The following CCDC192 variants were observed in gnomAD, a reference collection of about 807,000 sequenced individuals.
CCDC192 encodes coiled-coil domain-containing protein 192.
At chr5:127,719,517 AT>A (rs1751855114) in intron 2 of CCDC192, among the ~76,000 whole-genome samples, 1 of 118,458 alleles carries the variant, frequency 8.4e-6, no homozygotes, top group Non-Finnish European at 1.6e-5. Context: ...ATATATATAT[AT>A]ATATATACAC....
chr5:127,834,852 T>G (rs1325266300), intron 5 of CCDC192, among the ~76,000 whole-genome samples: 1 of 152,320 alleles, frequency 6.6e-6, no homozygotes, highest in African/African-American at 2.4e-5. Flanking sequence ...GCCCAGTGTG[T>G]TGTTAAGTGT....
rs540644798 is a variant in CCDC192 at position 127,856,298 on chromosome 5, A to C, written c.412-19240A>C. Among the ~76,000 whole-genome samples the C allele has an allele frequency of 4.5e-4, 69 of 152,274 alleles. 1 individual carries two copies. Among genetic ancestry groups the C allele is most frequent in the African/African-American group, 1.6e-3 (68 of 41,566 alleles). ...GTGTATTAATCTTTACTAGCTTCCAACTTTTCCTCTGCAGCTTTCTTACTC... is the reference window on the plus strand; with the variant it reads ...GTGTATTAATCTTTACTAGCTTCCACCTTTTCCTCTGCAGCTTTCTTACTC... On this transcript the variant is annotated intron_variant, in intron 5 of 6. Transcript: ENST00000514853.
intron 5 of CCDC192, among the ~76,000 whole-genome samples, chr5:127,836,157 G>A (rs187660502): frequency 1.3e-5 from 2 of 152,258 alleles, no homozygotes; most frequent in Admixed American, 1.3e-4. Flanking sequence ...GAATGAAGAG[G>A]TTACATGCCC....
At chr5:127,834,023 A>G (rs1749920547) in intron 5 of CCDC192, among the ~76,000 whole-genome samples, 1 of 152,158 alleles carries the variant, frequency 6.6e-6, no homozygotes, top group African/African-American at 2.4e-5. Flanking sequence ...GCTGAGGGCA[A>G]TTGAGCTACA....
At chr5:127,786,632 G>C (rs1334203130) in intron 3 of CCDC192, 1 of 758,778 alleles carries the variant, frequency 1.3e-6, no homozygotes, top group Non-Finnish European at 2.5e-6. Flanking sequence ...GTCTACTGAG[G>C]TAGGCACAAA....
chr5:127,938,543 A>G (rs960024715), intron 6 of CCDC192, among the ~76,000 whole-genome samples: 1 of 152,224 alleles, frequency 6.6e-6, no homozygotes, highest in Non-Finnish European at 1.5e-5. Flanking sequence ...GGGAGCCACA[A>G]ATGCAAGCCA....
chr5:127,844,251 A>G (rs959335757), intron 5 of CCDC192, among the ~76,000 whole-genome samples: 2 of 152,220 alleles, frequency 1.3e-5, no homozygotes, highest in Non-Finnish European at 2.9e-5. Flanking sequence ...CATAGTGAAA[A>G]TTTATACCTG....
chr5:127,827,794 C>T (rs1407876268), intron 5 of CCDC192, among the ~76,000 whole-genome samples: 1 of 152,206 alleles, frequency 6.6e-6, no homozygotes, highest in Non-Finnish European at 1.5e-5. Context: ...CTTCCAACTC[C>T]TCCGGCGCAG....
chr5:127,939,771 G>C (rs1339637077), intron 6 of CCDC192, among the ~76,000 whole-genome samples: 1 of 151,806 alleles, frequency 6.6e-6, no homozygotes, highest in East Asian at 1.9e-4. Flanking sequence ...ATAGCAGCAG[G>C]CTTTTGTATC....
At chr5:127,816,565 C>G (rs1749036123) in intron 5 of CCDC192, among the ~76,000 whole-genome samples, 1 of 152,226 alleles carries the variant, frequency 6.6e-6, no homozygotes, top group Non-Finnish European at 1.5e-5. Flanking sequence ...CACCACAGAA[C>G]TTCCCCAGGT....
intron 6 of CCDC192, among the ~76,000 whole-genome samples, chr5:127,913,588 C>A (rs956074894): frequency 6.6e-6 from 1 of 152,190 alleles, no homozygotes; most frequent in Non-Finnish European, 1.5e-5. Context: ...GAGGTCAAGT[C>A]TATTTGAAAA....
At chr5:127,737,536 A>C (rs1212818213) in intron 2 of CCDC192, among the ~76,000 whole-genome samples, 1 of 151,412 alleles carries the variant, frequency 6.6e-6, no homozygotes, top group Non-Finnish European at 1.5e-5. Context: ...GGGGTGTTAA[A>C]GTCTCCCATT....
chr5:127,797,750 TATATATATATATATATATATATATA>T (rs1561494018), intron 4 of CCDC192, among the ~76,000 whole-genome samples: 2 of 30,984 alleles, frequency 6.5e-5, no homozygotes, highest in African/African-American at 1.1e-4. Flanking sequence ...TATATATATA[TATATATATATATATATATATATATA>T]TATTTATTTA....
chr5:127,817,110 C>T (rs149088000), intron 5 of CCDC192, among the ~76,000 whole-genome samples: 1 of 152,248 alleles, frequency 6.6e-6, no homozygotes, highest in African/African-American at 2.4e-5. Flanking sequence ...TCTTTTCCAC[C>T]TATTACCGGG....
At chr5:127,787,449 A>C (rs1014492358) in intron 3 of CCDC192, among the ~76,000 whole-genome samples, 1 of 152,148 alleles carries the variant, frequency 6.6e-6, no homozygotes, top group Non-Finnish European at 1.5e-5. Flanking sequence ...ATTTGTTTCT[A>C]AATATTTTTT....
At chr5:127,819,266 C>T (rs545591987) in intron 5 of CCDC192, among the ~76,000 whole-genome samples, 2 of 152,282 alleles carry the variant, frequency 1.3e-5, no homozygotes, top group East Asian at 3.9e-4. Context: ...CAAGAGATGC[C>T]TGCTTCTTTC....
chr5:127,853,128 GAATC>G (rs1750876218), intron 5 of CCDC192, among the ~76,000 whole-genome samples: 2 of 151,982 alleles, frequency 1.3e-5, no homozygotes, highest in Non-Finnish European at 2.9e-5. Context: ...GAAAGAGTCT[GAATC>G]TTTGCACCAA....
At chr5:127,885,951 T>A (rs1462347107) in intron 6 of CCDC192, among the ~76,000 whole-genome samples, 2 of 152,126 alleles carry the variant, frequency 1.3e-5, no homozygotes, top group Admixed American at 6.6e-5. Context: ...AAAGAACATA[T>A]GATTAAAAAG....
At chr5:127,864,559 C>T (rs1166066600) in intron 5 of CCDC192, among the ~76,000 whole-genome samples, 1 of 152,136 alleles carries the variant, frequency 6.6e-6, no homozygotes, top group Non-Finnish European at 1.5e-5. Flanking sequence ...CAAGATAGTC[C>T]TTGAATCCAA....
Sources: gnomAD v4.1 joint callset for allele counts (sites outside exome capture counted in the v4.1 genomes callset) on GRCh38, gnomAD v4.1.1 for gene constraint, MANE v1.5 for transcripts, NCBI Gene and HGNC (gene_info 2026-07-23, HGNC 2026-07-21) for gene names.